Variants in SIPA1L2 observed in about 807,000 individuals in gnomAD.
SIPA1L2 encodes the protein signal induced proliferation associated 1 like 2.
In SIPA1L2, 56 loss-of-function variants were observed where a neutral mutation model predicts 163.9. The ratio of observed to expected loss-of-function variants is 0.34; its 90% CI spans 0.28 to 0.43. The LOEUF (loss-of-function observed/expected upper bound fraction) is 0.43, where lower values mean the gene tolerates loss of function less well. Ranked by LOEUF, SIPA1L2 falls within the 20% of genes least tolerant of loss-of-function variation. SIPA1L2 has a pLI of 1.00. For missense variants in SIPA1L2, 1,974 were observed against 2,193.5 expected, an observed-to-expected ratio of 0.90 and a Z score of 2.00; for synonymous variants, 877 against 865.7, an observed-to-expected ratio of 1.01 and a Z score of -0.23.
At chr1:232,401,118 T>C (rs749328087) in intron 22 of SIPA1L2, among the ~76,000 whole-genome samples, 26 of 152,102 alleles carry the variant, frequency 1.7e-4, no homozygotes, top group Non-Finnish European at 3.2e-4. Context: ...TGTCTCTCTC[T>C]CTCTCTCTCG....
chr1:232,457,628 G>A (rs1469723842), intron 10 of SIPA1L2, among the ~76,000 whole-genome samples: 1 of 152,182 alleles, frequency 6.6e-6, no homozygotes, highest in Admixed American at 6.5e-5. Flanking sequence ...ATCCTGTTAT[G>A]TGTTGCTATA....
rs1553274640 is a variant in SIPA1L2 at position 232,398,680 on chromosome 1, T to A, written c.*447A>T. 1 of 154,464 alleles carries A rather than the reference T, an allele frequency of 6.5e-6. No homozygotes were observed. Among genetic ancestry groups the A allele is most frequent in the Non-Finnish European group, 1.4e-5 (1 of 69,300 alleles). 9.6% of individuals were successfully genotyped at this position (154,464 alleles called of 1,614,324 possible). A position where few individuals can be genotyped will look rare whatever the true frequency, so the allele number is the denominator to read the frequency against. Reference sequence around the variant, plus strand: ...TGTACATCCAAAAAAATAGAGCACCTTTAACATTAAAGTATATGTCTGATT... The same window carrying A: ...TGTACATCCAAAAAAATAGAGCACCATTAACATTAAAGTATATGTCTGATT... On this transcript the variant is annotated 3_prime_UTR_variant, in exon 23 of 23. Transcript: ENST00000674635.
chr1:232,412,432 A>C (rs577432946), intron 19 of SIPA1L2, among the ~76,000 whole-genome samples: 4 of 152,336 alleles, frequency 2.6e-5, no homozygotes, highest in African/African-American at 9.6e-5. Flanking sequence ...AGTTTGCAGC[A>C]ATAACATAAA....
chr1:232,482,443 G>GAA (rs61073207), intron 6 of SIPA1L2, among the ~76,000 whole-genome samples: 2 of 139,116 alleles, frequency 1.4e-5, no homozygotes, highest in African/African-American at 5.3e-5. Context: ...AGAGGAGTTT[G>GAA]AAAAAAAAAA....
At chr1:232,486,421 C>G (rs949545001) in intron 5 of SIPA1L2, among the ~76,000 whole-genome samples, 6 of 152,158 alleles carry the variant, frequency 3.9e-5, no homozygotes, top group African/African-American at 1.4e-4. Context: ...GGATCTAGAA[C>G]AGGATTTGCA....
Position 232,439,492 on chromosome 1 carries a change from C to T in SIPA1L2, c.3647G>A (p.Gly1216Glu), listed in dbSNP as rs1328411643. 6.2e-7 allele frequency: 1 copy of T among 1,610,374 alleles called. No individual in the cohort carries two copies. The highest frequency in any genetic ancestry group is 1.7e-5 in the Admixed American group (1 of 59,884). The change falls in exon 15 of 23, where the codon GGG becomes GAG. Residue 1216 changes from glycine (G) to glutamate (E), a missense_variant. Physicochemically the swap from Gly to Glu is moderately conservative, Grantham distance 98 (BLOSUM62 -2). Around this residue, in one of 3 missense-constraint regions of SIPA1L2, gnomAD observed 1,079 missense variants for 1,150.7 expected, o/e 0.94. Transcript: ENST00000674635. ...KDSPNKLSHI[G>E]DKSCSSHSSS... Reference sequence around the variant, plus strand: ...GGAGTGACTGGAGCAACTTTTATCCCCAATCTTCAGAAGAAAGAGGAACAG... The same window carrying T: ...GGAGTGACTGGAGCAACTTTTATCCTCAATCTTCAGAAGAAAGAGGAACAG...
chr1:232,543,753 T>C lies in SIPA1L2; in HGVS notation c.-269-28145A>G, dbSNP rs552478516. 3.3e-5 allele frequency among the ~76,000 whole-genome samples: 5 copies of C among 152,176 alleles called. No homozygotes were observed. In the East Asian group the frequency reaches 9.7e-4, roughly 29 times the overall value. On this transcript the variant is annotated intron_variant, in intron 2 of 22. Transcript: ENST00000674635. ...GAGTGGTGGCGCATACCTGCAGTCC[T>C]AGCTACTTGGGAGGCTGAGGTGAAA...
At position 232,513,957 on chromosome 1, in the gene SIPA1L2, G is replaced by A. The variant is rs767641079; in HGVS notation, c.1383C>T (p.Pro461=). The change falls in exon 3 of 23, where the codon CCC becomes CCT. Residue 461 remains proline (P), a synonymous_variant. Coordinates refer to ENST00000674635, the MANE Select transcript of SIPA1L2 (RefSeq NM_020808.5). ...TNAGVSVLEV[P]RENQPIHREK... is the part of the protein sequence containing the mutation. ...CCCTGTGAATAGGCTGGTTTTCTCTGGGCACTTCCAAGACGGAGACACCTG... is the reference window on the plus strand; with the variant it reads ...CCCTGTGAATAGGCTGGTTTTCTCTAGGCACTTCCAAGACGGAGACACCTG... 9.9e-6 allele frequency: 16 copies of A among 1,614,036 alleles called. No individual in the cohort carries two copies. The highest frequency in any genetic ancestry group is 2.7e-5 in the African/African-American group (2 of 74,902).
intron 7 of SIPA1L2, among the ~76,000 whole-genome samples, chr1:232,477,339 AAACT>A (rs2102961461): frequency 6.6e-6 from 1 of 152,308 alleles, no homozygotes; most frequent in South Asian, 2.1e-4. Flanking sequence ...GTAACAACTA[AAACT>A]TAGTTCCATG....
intron 9 of SIPA1L2, 25 bp downstream of exon 9, chr1:232,464,815 G>A (rs558996082): frequency 1.2e-5 from 18 of 1,528,920 alleles, no homozygotes; most frequent in Middle Eastern, 1.8e-4. Flanking sequence ...TAAGGATGGC[G>A]GGAAAATAGA....
Position 232,616,221 on chromosome 1 carries a change from C to G in SIPA1L2, c.-319+13648G>C, listed in dbSNP as rs141707284. On this transcript the variant is annotated intron_variant, in intron 1 of 22. Coordinates refer to ENST00000674635, the MANE Select transcript of SIPA1L2 (RefSeq NM_020808.5). ...TTTTATCCTACAGTAGAGAGGAATA[C>G]TAACTAGGGAAGCCCCCAACACAAG... 6.2e-4 allele frequency among the ~76,000 whole-genome samples: 94 copies of G among 152,298 alleles called. No homozygotes were observed. In the East Asian group the frequency reaches 0.014, roughly 22 times the overall value.
intron 18 of SIPA1L2, among the ~76,000 whole-genome samples, chr1:232,418,932 C>T (rs534105159): frequency 1.3e-5 from 2 of 152,310 alleles, no homozygotes; most frequent in South Asian, 2.1e-4. Flanking sequence ...CTGCCTGCCA[C>T]GTGATGGGGG....
intron 1 of SIPA1L2, among the ~76,000 whole-genome samples, chr1:232,621,329 G>A (rs181643332): frequency 8.5e-5 from 13 of 152,136 alleles, no homozygotes; most frequent in African/African-American, 2.4e-4. Flanking sequence ...CGGTAATTCC[G>A]CCATTCTTAT....
intron 2 of SIPA1L2, among the ~76,000 whole-genome samples, chr1:232,571,012 A>G (rs1659697068): frequency 6.6e-6 from 1 of 151,742 alleles, no homozygotes; most frequent in African/African-American, 2.4e-5. Context: ...TTGATAAAAG[A>G]GAACTCAAAA....
intron 18 of SIPA1L2, among the ~76,000 whole-genome samples, chr1:232,416,420 T>C (rs765440254): frequency 9.2e-5 from 14 of 152,194 alleles, no homozygotes; most frequent in Non-Finnish European, 1.5e-4. Flanking sequence ...CTGTACACTA[T>C]TGTAATTTCG....
At chr1:232,449,967 A>G (rs1401775159) in intron 10 of SIPA1L2, among the ~76,000 whole-genome samples, 1 of 152,232 alleles carries the variant, frequency 6.6e-6, no homozygotes, top group Non-Finnish European at 1.5e-5. Context: ...GGACAGAGAA[A>G]GAGAAAAAAT....
At chr1:232,581,804 C>T (rs1660392150) in intron 1 of SIPA1L2, among the ~76,000 whole-genome samples, 1 of 152,250 alleles carries the variant, frequency 6.6e-6, no homozygotes, top group Middle Eastern at 3.4e-3. Flanking sequence ...TCTATCAAGA[C>T]GTCCCCTTAC....
intron 6 of SIPA1L2, among the ~76,000 whole-genome samples, chr1:232,482,858 A>C (rs1181568604): frequency 6.6e-6 from 1 of 152,120 alleles, no homozygotes; most frequent in Non-Finnish European, 1.5e-5. Context: ...CCACACAGAA[A>C]ACTTCCACTT....
At chr1:232,430,514 G>C (rs187939271) in intron 16 of SIPA1L2, among the ~76,000 whole-genome samples, 3 of 152,328 alleles carry the variant, frequency 2.0e-5, no homozygotes, top group Admixed American at 2.0e-4. Context: ...CTAAAAATAT[G>C]ATGTACTTGG....
Sources: gnomAD v4.1 joint callset for allele counts (sites outside exome capture counted in the v4.1 genomes callset) on GRCh38, gnomAD v4.1.1 for gene constraint, gnomAD v4.1.1 regional missense constraint, MANE v1.5 for transcripts, NCBI Gene and HGNC (gene_info 2026-07-23, HGNC 2026-07-21) for gene names.